Variants in XKR6 observed in about 807,000 individuals in gnomAD.
XKR6 encodes the protein XK-related protein 6.
A neutral mutation model predicts 56.7 loss-of-function variants in XKR6; 22 were observed. The ratio of observed to expected loss-of-function variants is 0.39; its 90% CI spans 0.28 to 0.55. The LOEUF (loss-of-function observed/expected upper bound fraction) is 0.55, where lower values mean the gene tolerates loss of function less well. Ranked by LOEUF, XKR6 falls within the 20% of genes least tolerant of loss-of-function variation. The pLI is 0.66. For synonymous variants in XKR6, 524 were observed against 387.8 expected, an observed-to-expected ratio of 1.35 and a Z score of -4.13; for missense variants, 852 against 889.0, an observed-to-expected ratio of 0.96 and a Z score of 0.53.
intron 1 of XKR6, among the ~76,000 whole-genome samples, chr8:10,979,915 T>C (rs1169340633): frequency 6.6e-6 from 1 of 152,192 alleles, no homozygotes; most frequent in African/African-American, 2.4e-5. Context: ...AGGACATCTA[T>C]TGTGACCCCA....
chr8:11,144,603 C>G (rs1002715667), intron 1 of XKR6, among the ~76,000 whole-genome samples: 3 of 151,954 alleles, frequency 2.0e-5, no homozygotes, highest in Non-Finnish European at 4.4e-5. Flanking sequence ...CAGCAGTTAC[C>G]TGTGGGTAAC....
At chr8:10,943,970 T>C (rs1370453473) in intron 1 of XKR6, among the ~76,000 whole-genome samples, 1 of 152,160 alleles carries the variant, frequency 6.6e-6, no homozygotes, top group Non-Finnish European at 1.5e-5. Flanking sequence ...TGCTTGCCTC[T>C]GTTTCCCACC....
intron 1 of XKR6, among the ~76,000 whole-genome samples, chr8:10,953,058 G>C (rs1369936026): frequency 6.6e-6 from 1 of 152,086 alleles, no homozygotes; most frequent in African/African-American, 2.4e-5. Flanking sequence ...TCTAGTTGTA[G>C]GAAAACAAGC....
chr8:11,116,951 A>G (rs1799207055), intron 1 of XKR6, among the ~76,000 whole-genome samples: 1 of 152,222 alleles, frequency 6.6e-6, no homozygotes. Context: ...CAGCTTACTA[A>G]CTATATACTT....
intron 1 of XKR6, among the ~76,000 whole-genome samples, chr8:11,003,066 T>C (rs1053459296): frequency 4.0e-5 from 6 of 151,732 alleles, no homozygotes; most frequent in African/African-American, 1.5e-4. Context: ...CTCACAAAAT[T>C]TGCAACTGGG....
intron 1 of XKR6, chr8:11,113,925 C>A (rs1799029897): frequency 3.6e-6 from 1 of 279,830 alleles, no homozygotes; most frequent in Non-Finnish European, 7.0e-6. Flanking sequence ...GGAACTGGGG[C>A]AGCACAGACA....
chr8:11,196,706 T>C (rs1260634337), intron 1 of XKR6, among the ~76,000 whole-genome samples: 1 of 152,262 alleles, frequency 6.6e-6, no homozygotes, highest in Non-Finnish European at 1.5e-5. Context: ...ACGTGATCAC[T>C]TGTGGTTCTT....
chr8:11,102,837 T>G (rs1189164880), intron 1 of XKR6, among the ~76,000 whole-genome samples: 1 of 152,110 alleles, frequency 6.6e-6, no homozygotes, highest in Non-Finnish European at 1.5e-5. Context: ...TTTGGAGGAT[T>G]TTCACCCCAT....
intron 1 of XKR6, among the ~76,000 whole-genome samples, chr8:11,057,599 CG>C (rs1799717856): frequency 6.6e-6 from 1 of 152,134 alleles, no homozygotes; most frequent in Admixed American, 6.5e-5. Flanking sequence ...AGAGGCTGGG[CG>C]GGTGTAGTTT....
At chr8:11,133,896 T>C (rs1009109054) in intron 1 of XKR6, among the ~76,000 whole-genome samples, 2 of 151,826 alleles carry the variant, frequency 1.3e-5, no homozygotes, top group African/African-American at 4.9e-5. Context: ...CTCCCATTTA[T>C]GGAATAAAGT....
intron 1 of XKR6, among the ~76,000 whole-genome samples, chr8:11,039,112 G>A (rs1395014542): frequency 6.6e-6 from 1 of 152,118 alleles, no homozygotes; most frequent in African/African-American, 2.4e-5. Context: ...GAAGAAGCCT[G>A]TAGTGTCATC....
chr8:11,147,864 G>T (rs975529104), intron 1 of XKR6, among the ~76,000 whole-genome samples: 15 of 152,124 alleles, frequency 9.9e-5, no homozygotes, highest in African/African-American at 3.6e-4. Flanking sequence ...CTAATTCCCA[G>T]TATCTCAGAA....
intron 2 of XKR6, among the ~76,000 whole-genome samples, chr8:10,906,660 A>T (rs1164797962): frequency 6.6e-6 from 1 of 152,166 alleles, no homozygotes; most frequent in Non-Finnish European, 1.5e-5. Flanking sequence ...TCTGTACTTG[A>T]AGAGGGTGTG....
At chr8:10,911,674 A>C (rs2129110694) in intron 2 of XKR6, among the ~76,000 whole-genome samples, 1 of 145,918 alleles carries the variant, frequency 6.9e-6, no homozygotes, top group Non-Finnish European at 1.5e-5. Flanking sequence ...TATAAAGAGA[A>C]AAAGAGAGGG....
At chr8:11,073,896 T>G (rs888230176) in intron 1 of XKR6, among the ~76,000 whole-genome samples, 5 of 152,132 alleles carry the variant, frequency 3.3e-5, no homozygotes, top group Non-Finnish European at 5.9e-5. Context: ...CCCTACCCAC[T>G]CAGTGGGCTG....
chr8:10,954,064 T>C (rs11250096), intron 1 of XKR6, among the ~76,000 whole-genome samples: 28,793 of 152,242 alleles, frequency 0.19, 3,854 homozygotes, highest in African/African-American at 0.38. Context: ...CATTCATCAG[T>C]TGATAGACAT....
chr8:10,989,920 G>T (rs75534473), intron 1 of XKR6, among the ~76,000 whole-genome samples: 2,544 of 152,274 alleles, frequency 0.017, 28 homozygotes, highest in Non-Finnish European at 0.029. Flanking sequence ...TGTTTGCCAC[G>T]TGTAACAGGA....
chr8:10,998,507 G>A (rs1460376839), intron 1 of XKR6, among the ~76,000 whole-genome samples: 1 of 152,118 alleles, frequency 6.6e-6, no homozygotes, highest in African/African-American at 2.4e-5. Flanking sequence ...AAATTTATGA[G>A]TATAATGTCA....
intron 1 of XKR6, chr8:11,108,518 G>A: frequency 2.7e-6 from 1 of 368,956 alleles, no homozygotes; most frequent in South Asian, 2.1e-5. Flanking sequence ...CACTAAGCCA[G>A]CAGGAGGCAT....
Sources: allele counts gnomAD v4.1 joint callset (sites outside exome capture counted in the v4.1 genomes callset), GRCh38; gene constraint gnomAD v4.1.1; transcripts MANE v1.5; gene names NCBI Gene and HGNC (gene_info 2026-07-23, HGNC 2026-07-21).